ZC3H12B: variants seen among roughly 807,000 people sequenced by gnomAD.
ZC3H12B encodes the protein probable ribonuclease ZC3H12B.
A neutral mutation model predicts 43.9 loss-of-function variants in ZC3H12B; 7 were observed. That is an observed-to-expected ratio of 0.16 (90% CI 0.09 to 0.30). The LOEUF (loss-of-function observed/expected upper bound fraction) is 0.30, where lower values mean the gene tolerates loss of function less well. ZC3H12B is among the 10% of genes least tolerant of loss of function. The pLI is 1.00. For synonymous variants in ZC3H12B, 222 were observed against 241.7 expected (o/e 0.92, Z 0.76); for missense variants, 475 against 670.2 (o/e 0.71, Z 3.22).
the ZC3H12B span, among the ~76,000 whole-genome samples, chrX:65,170,262 G>A: frequency 2.7e-5 from 3 of 111,595 alleles, no homozygotes; most frequent in Non-Finnish European, 5.6e-5. Context: ...TTGTTTGTCT[G>A]TAAAGTATTT....
At chrX:65,391,748 C>T (rs1444171259) in intron 2 of ZC3H12B, among the ~76,000 whole-genome samples, 1 of 111,117 alleles carries the variant, frequency 9.0e-6, no homozygotes, top group Admixed American at 9.5e-5. Flanking sequence ...CCTCTCCCTC[C>T]TCCCGCTTTC....
upstream of ZC3H12B, among the ~76,000 whole-genome samples, chrX:65,486,988 G>A (rs774998650): frequency 9.8e-5 from 11 of 112,413 alleles, no homozygotes; most frequent in East Asian, 2.8e-4. Flanking sequence ...AAATTATTTC[G>A]AAGAAAATAA....
At chrX:65,221,682 G>C in the ZC3H12B span, among the ~76,000 whole-genome samples, 3 of 109,695 alleles carry the variant, frequency 2.7e-5, no homozygotes, top group African/African-American at 9.9e-5. Context: ...CAAGGAGCAA[G>C]ATTGAAATTT....
the ZC3H12B span, chrX:65,357,635 C>T: frequency 8.9e-6 from 1 of 112,389 alleles, no homozygotes; most frequent in African/African-American, 3.2e-5. Flanking sequence ...TACAGACAAG[C>T]AAATGCTGAG....
At chrX:65,493,342 C>T (rs1246147678) in intron 1 of ZC3H12B, among the ~76,000 whole-genome samples, 2 of 110,320 alleles carry the variant, frequency 1.8e-5, no homozygotes, top group Non-Finnish European at 3.8e-5. Flanking sequence ...GAGATTGCGC[C>T]ACTACACTCC....
At chrX:65,201,717 G>C in the ZC3H12B span, among the ~76,000 whole-genome samples, 1 of 102,153 alleles carries the variant, frequency 9.8e-6, no homozygotes, top group Non-Finnish European at 2.0e-5. Flanking sequence ...TGTTTGTTAA[G>C]GTCCTTGATA....
At chrX:65,288,107 G>C in the ZC3H12B span, among the ~76,000 whole-genome samples, 1 of 109,723 alleles carries the variant, frequency 9.1e-6, no homozygotes, top group African/African-American at 3.3e-5. Context: ...AATATTTAAC[G>C]AGGAAGATAC....
At chrX:65,496,608 TAA>T (rs1318856796) in intron 1 of ZC3H12B, among the ~76,000 whole-genome samples, 2 of 111,726 alleles carry the variant, frequency 1.8e-5, no homozygotes, top group East Asian at 5.6e-4. Context: ...AACAATTACA[TAA>T]AAATATCTTG....
chrX:65,094,912 A>G, the ZC3H12B span, among the ~76,000 whole-genome samples: 2 of 112,088 alleles, frequency 1.8e-5, no homozygotes, highest in Non-Finnish European at 3.8e-5. Flanking sequence ...TACTTATGGA[A>G]TTGAACCTAA....
At chrX:65,211,630 A>G in the ZC3H12B span, among the ~76,000 whole-genome samples, 2 of 94,685 alleles carry the variant, frequency 2.1e-5, no homozygotes, top group Non-Finnish European at 4.1e-5. Context: ...TAACAACTTA[A>G]AATTATAATT....
chrX:65,380,202 A>G (rs147978789), intron 2 of ZC3H12B, among the ~76,000 whole-genome samples: 3 of 112,055 alleles, frequency 2.7e-5, no homozygotes, highest in African/African-American at 9.7e-5. Context: ...AAGGGCAGCC[A>G]GAGAGAAAGG....
chrX:65,338,828 A>G, the ZC3H12B span, among the ~76,000 whole-genome samples: 1 of 112,188 alleles, frequency 8.9e-6, no homozygotes, highest in Non-Finnish European at 1.9e-5. Flanking sequence ...TTTATGACAA[A>G]AACCCTCAAC....
intron 2 of ZC3H12B, among the ~76,000 whole-genome samples, chrX:65,372,043 G>A (rs1460600326): frequency 4.5e-5 from 5 of 111,984 alleles, no homozygotes; most frequent in African/African-American, 1.6e-4. Flanking sequence ...GCCACCAATA[G>A]AGAGTTTGTG....
At chrX:65,497,260 C>A in exon 2 of ZC3H12B, 1 of 1,207,080 alleles carries the variant, frequency 8.3e-7, no homozygotes, top group Non-Finnish European at 1.1e-6. Flanking sequence ...CGCCCTGATG[C>A]ACCAATTACA....
chrX:65,402,714 T>C (rs1052166210), intron 3 of ZC3H12B, among the ~76,000 whole-genome samples: 3 of 112,492 alleles, frequency 2.7e-5, no homozygotes, highest in Non-Finnish European at 5.6e-5. Flanking sequence ...AAATCTCGTT[T>C]ACGACCATCA....
At chrX:65,292,644 C>T in the ZC3H12B span, among the ~76,000 whole-genome samples, 2 of 108,426 alleles carry the variant, frequency 1.8e-5, no homozygotes, top group Admixed American at 9.8e-5. Context: ...TTTTTTAAAG[C>T]ATACAATATA....
chrX:65,231,355 T>C, the ZC3H12B span, among the ~76,000 whole-genome samples: 1 of 111,386 alleles, frequency 9.0e-6, no homozygotes. Flanking sequence ...ATGCATTATC[T>C]TGATAAACAT....
chrX:65,445,342 T>A (rs930857722), intron 3 of ZC3H12B, among the ~76,000 whole-genome samples: 1 of 112,342 alleles, frequency 8.9e-6, no homozygotes, highest in Non-Finnish European at 1.9e-5. Flanking sequence ...TTTATTCTCA[T>A]CTTTCTGGAG....
the ZC3H12B span, among the ~76,000 whole-genome samples, chrX:65,122,617 A>G: frequency 9.0e-6 from 1 of 111,373 alleles, no homozygotes; most frequent in African/African-American, 3.3e-5. Context: ...AAGACCCGTC[A>G]GTATGCTGTA....
Sources: allele counts gnomAD v4.1 joint callset (sites outside exome capture counted in the v4.1 genomes callset), GRCh38; gene constraint gnomAD v4.1.1; transcripts MANE v1.5; gene names NCBI Gene and HGNC (gene_info 2026-07-23, HGNC 2026-07-21).